The following FNDC3B variants were observed in gnomAD, a reference collection of about 807,000 sequenced individuals.
FNDC3B encodes fibronectin type III domain-containing protein 3B.
FNDC3B carries 12 observed loss-of-function variants against 151.5 expected under a neutral mutation model. That is an observed-to-expected ratio of 0.08 (90% CI 0.05 to 0.13). FNDC3B has a LOEUF of 0.13. FNDC3B is among the 10% of genes least tolerant of loss of function. FNDC3B has a pLI of 1.00. For synonymous variants in FNDC3B, 528 were observed against 549.0 expected (o/e 0.96, Z 0.54); for missense variants, 1,214 against 1,505.3 (o/e 0.81, Z 3.20).
intron 3 of FNDC3B, among the ~76,000 whole-genome samples, chr3:172,165,121 C>T (rs1442724174): frequency 6.6e-6 from 1 of 152,210 alleles, no homozygotes; most frequent in Non-Finnish European, 1.5e-5. Flanking sequence ...TCAAGTAATC[C>T]TCCTGCCTCA....
intron 21 of FNDC3B, among the ~76,000 whole-genome samples, chr3:172,351,886 G>A (rs1430719856): frequency 6.6e-6 from 1 of 152,200 alleles, no homozygotes; most frequent in East Asian, 1.9e-4. Flanking sequence ...GGACATTTGA[G>A]TTTGAGATGC....
At chr3:172,282,017 G>C (rs1729755713) in intron 6 of FNDC3B, among the ~76,000 whole-genome samples, 1 of 152,130 alleles carries the variant, frequency 6.6e-6, no homozygotes, top group Non-Finnish European at 1.5e-5. Context: ...TGGAAAGAGT[G>C]GTCATTCAGT....
chr3:172,103,888 C>T (rs1239674138), intron 1 of FNDC3B, among the ~76,000 whole-genome samples: 3 of 152,194 alleles, frequency 2.0e-5, no homozygotes, highest in Admixed American at 1.3e-4. Context: ...GCACATACCT[C>T]CAGGTACTGC....
intron 3 of FNDC3B, among the ~76,000 whole-genome samples, chr3:172,176,707 G>C (rs1723615142): frequency 6.6e-6 from 1 of 152,198 alleles, no homozygotes; most frequent in African/African-American, 2.4e-5. Flanking sequence ...GTGTTTAAAT[G>C]ATGTCTGTTA....
chr3:172,202,739 C>T (rs1725219914), intron 3 of FNDC3B, among the ~76,000 whole-genome samples: 1 of 152,210 alleles, frequency 6.6e-6, no homozygotes, highest in African/African-American at 2.4e-5. Context: ...GTCATTCCAC[C>T]TTCCCCTGAG....
At chr3:172,271,824 T>G (rs557026880) in intron 6 of FNDC3B, among the ~76,000 whole-genome samples, 2 of 152,232 alleles carry the variant, frequency 1.3e-5, no homozygotes, top group African/African-American at 4.8e-5. Flanking sequence ...CATCCACGCA[T>G]GCAAGCATTC....
At position 172,332,957 on chromosome 3, in the gene FNDC3B, T is replaced by G. The variant is rs199521693; in HGVS notation, c.1555-132T>G. The stretch of plus-strand genomic sequence containing the variant: ...CTCTGGGCTTCTGATTTTTCTCTTT[T>G]GCGGTAGCTGCCAGACCTCTGGCCA... On this transcript the variant is annotated intron_variant, in intron 13 of 25. Coordinates refer to ENST00000415807, the MANE Select transcript of FNDC3B (RefSeq NM_022763.4). 50 of 729,014 alleles carry G rather than the reference T, an allele frequency of 6.9e-5. No individual in the cohort carries two copies. In the East Asian group the frequency reaches 1.2e-3, roughly 17 times the overall value. The allele number at this position is 729,014 out of a possible 1,614,324, so 45.2% of individuals were successfully genotyped here.
chr3:172,140,179 T>G (rs1721550472), intron 3 of FNDC3B, among the ~76,000 whole-genome samples: 1 of 152,224 alleles, frequency 6.6e-6, no homozygotes, highest in South Asian at 2.1e-4. Context: ...TAAGCCAAGA[T>G]AGTCTGAATT....
chr3:172,223,624 A>G (rs75909110), intron 3 of FNDC3B, among the ~76,000 whole-genome samples: 490 of 152,332 alleles, frequency 3.2e-3, no homozygotes, highest in Non-Finnish European at 5.3e-3. Context: ...CTTTATTGAG[A>G]TGGTAGCACC....
chr3:172,192,267 G>A (rs1311987702), intron 3 of FNDC3B, among the ~76,000 whole-genome samples: 2 of 149,870 alleles, frequency 1.3e-5, no homozygotes, highest in African/African-American at 4.9e-5. Context: ...CCGCCTCCCT[G>A]GTACAAGCGA....
chr3:172,370,840 A>G (rs141496962), intron 23 of FNDC3B, among the ~76,000 whole-genome samples: 98 of 152,324 alleles, frequency 6.4e-4, no homozygotes, highest in African/African-American at 2.3e-3. Flanking sequence ...AGCTGAAGGT[A>G]CAAAGATACC....
chr3:172,367,785 T>C (rs1234822670), intron 23 of FNDC3B, among the ~76,000 whole-genome samples: 1 of 152,196 alleles, frequency 6.6e-6, no homozygotes, highest in African/African-American at 2.4e-5. Context: ...AATGCATTTA[T>C]GGTTAATCTG....
intron 3 of FNDC3B, among the ~76,000 whole-genome samples, chr3:172,202,161 A>C (rs1425752652): frequency 6.6e-6 from 1 of 152,112 alleles, no homozygotes; most frequent in Non-Finnish European, 1.5e-5. Context: ...TGAGGCAGGA[A>C]CTTGAAGTTA....
intron 3 of FNDC3B, among the ~76,000 whole-genome samples, chr3:172,161,121 T>A (rs567646730): frequency 6.6e-6 from 1 of 152,260 alleles, no homozygotes; most frequent in Non-Finnish European, 1.5e-5. Context: ...TTAACTGTTA[T>A]ATAGAACTGT....
intron 1 of FNDC3B, among the ~76,000 whole-genome samples, chr3:172,080,563 G>A (rs1463345736): frequency 6.6e-6 from 1 of 152,000 alleles, no homozygotes; most frequent in African/African-American, 2.4e-5. Context: ...CAGGTGTGAG[G>A]CACTGTACTA....
chr3:172,283,104 G>T (rs73031320), intron 6 of FNDC3B, among the ~76,000 whole-genome samples: 14,766 of 152,148 alleles, frequency 0.097, 784 homozygotes, highest in African/African-American at 0.14. Flanking sequence ...GTCAGTTTTC[G>T]TGATTGTAAT....
At chr3:172,104,385 G>A (rs926928100) in intron 1 of FNDC3B, among the ~76,000 whole-genome samples, 1 of 151,084 alleles carries the variant, frequency 6.6e-6, no homozygotes, top group African/African-American at 2.4e-5. Context: ...CTCAGTGCTG[G>A]AGCCTGTCCA....
intron 1 of FNDC3B, among the ~76,000 whole-genome samples, chr3:172,099,432 C>G (rs1576862206): frequency 6.6e-6 from 1 of 151,884 alleles, no homozygotes; most frequent in South Asian, 2.1e-4. Context: ...AGATATGATT[C>G]TTCCTTAAGA....
At chr3:172,129,015 T>C (rs574798086) in intron 2 of FNDC3B, among the ~76,000 whole-genome samples, 1 of 152,320 alleles carries the variant, frequency 6.6e-6, no homozygotes, top group Admixed American at 6.5e-5. Flanking sequence ...TTGTCCGGGC[T>C]GGAGTGCAGT....
Sources: gnomAD v4.1 joint callset for allele counts (sites outside exome capture counted in the v4.1 genomes callset) on GRCh38, gnomAD v4.1.1 for gene constraint, MANE v1.5 for transcripts, NCBI Gene and HGNC (gene_info 2026-07-23, HGNC 2026-07-21) for gene names.